The following APBB2 variants were observed in gnomAD, a reference collection of about 807,000 sequenced individuals.
The protein encoded by APBB2 is Fe65-like 1.
Under a neutral mutation model 82.5 loss-of-function variants are expected in APBB2, and 38 were observed. The observed-to-expected ratio is 0.46, with a 90% CI of 0.36 to 0.60. The LOEUF is 0.60. Ranked by LOEUF, APBB2 falls within the 20% of genes least tolerant of loss-of-function variation. The probability of loss-of-function intolerance (pLI) is 0.00; values close to 1 mark genes in which losing one functional copy is unlikely to be tolerated. For synonymous variants in APBB2, 341 were observed against 368.2 expected (o/e 0.93, Z 0.85); for missense variants, 772 against 972.3 (o/e 0.79, Z 2.74).
chr4:41,211,401 C>T (rs182471298), intron 1 of APBB2, among the ~76,000 whole-genome samples: 2 of 151,682 alleles, frequency 1.3e-5, no homozygotes, highest in Admixed American at 1.3e-4. Context: ...TCCCCTCCCC[C>T]GCCCCCGGAA....
intron 2 of APBB2, among the ~76,000 whole-genome samples, chr4:41,114,720 C>T (rs1240392338): frequency 6.6e-6 from 1 of 152,134 alleles, no homozygotes; most frequent in African/African-American, 2.4e-5. Context: ...CTCCCATTCA[C>T]AACTGCTACA....
At chr4:40,882,486 G>A (rs921390307) in intron 12 of APBB2, among the ~76,000 whole-genome samples, 1 of 152,226 alleles carries the variant, frequency 6.6e-6, no homozygotes, top group Non-Finnish European at 1.5e-5. Context: ...CTGCATTTCT[G>A]TGAAGTTGGA....
At position 41,014,254 on chromosome 4, in the gene APBB2, T is replaced by G; in HGVS notation, c.164A>C (p.His55Pro). 1 of 1,614,228 alleles carries G rather than the reference T, an allele frequency of 6.2e-7. No homozygotes were observed. The highest frequency in any genetic ancestry group is 8.5e-7 in the Non-Finnish European group (1 of 1,180,042). Reference protein sequence around the residue: ...HNELLNAEIKHTETKNSTPPK... With the variant: ...HNELLNAEIKPTETKNSTPPK... ...AGGTGTGCTGTTCTTGGTTTCTGTGTGTTTTATTTCAGCGTTCAACAGTTC... is the reference window on the plus strand; with the variant it reads ...AGGTGTGCTGTTCTTGGTTTCTGTGGGTTTTATTTCAGCGTTCAACAGTTC... The change falls in exon 6 of 18, where the codon CAC becomes CCC. Residue 55 changes from histidine to proline, a missense_variant. Coordinates refer to ENST00000508593, the MANE Select transcript of APBB2 (RefSeq NM_004307.2).
intron 7 of APBB2, among the ~76,000 whole-genome samples, chr4:40,939,046 A>AC (rs1786135892): frequency 6.6e-6 from 1 of 152,226 alleles, no homozygotes; most frequent in Middle Eastern, 3.4e-3. Context: ...CATGCCCTGC[A>AC]CCCACTCAGG....
chr4:41,138,925 A>C (rs1458901204), intron 2 of APBB2, among the ~76,000 whole-genome samples: 1 of 152,208 alleles, frequency 6.6e-6, no homozygotes, highest in Non-Finnish European at 1.5e-5. Context: ...AACCAACTGC[A>C]TTTCTATACA....
At chr4:41,001,885 AAAAAAGAAAAAG>A (rs1553903802) in intron 6 of APBB2, among the ~76,000 whole-genome samples, 1 of 152,078 alleles carries the variant, frequency 6.6e-6, no homozygotes, top group African/African-American at 2.4e-5. Context: ...CTCAAAAAAA[AAAAAAGAAAAAG>A]AAAAAGAAAA....
At chr4:41,024,940 G>A (rs1036111001) in intron 5 of APBB2, among the ~76,000 whole-genome samples, 1 of 152,226 alleles carries the variant, frequency 6.6e-6, no homozygotes, top group Non-Finnish European at 1.5e-5. Flanking sequence ...AACTCCCTTT[G>A]TTCTGCCTCT....
At chr4:41,000,069 A>ATGTGTG (rs779111046) in intron 6 of APBB2, among the ~76,000 whole-genome samples, 12,904 of 130,452 alleles carry the variant, frequency 0.099, 877 homozygotes, top group Middle Eastern at 0.15. Context: ...ATATGTGTGT[A>ATGTGTG]TGTGTGTGTG....
rs537887824 is a variant in APBB2 at position 40,896,932 on chromosome 4, C to T, written c.1255-3521G>A. On this transcript the variant is annotated intron_variant, in intron 10 of 17. Coordinates refer to ENST00000508593, the MANE Select transcript of APBB2 (RefSeq NM_004307.2). ...TTAGTGACCCTGGCTGGAGTGAGCC[C>T]TAAGACAGCAATGTTACTGTGAGAT... Among the ~76,000 whole-genome samples the T allele has an allele frequency of 2.0e-4, 30 of 152,232 alleles. No individual in the cohort carries two copies. In the South Asian group the frequency reaches 5.4e-3, roughly 27 times the overall value.
intron 4 of APBB2, among the ~76,000 whole-genome samples, chr4:41,042,420 C>T (rs1721877652): frequency 6.6e-6 from 1 of 152,164 alleles, no homozygotes; most frequent in African/African-American, 2.4e-5. Flanking sequence ...GTTAATGACC[C>T]CAATCAACAG....
At chr4:41,020,207 CCG>C (rs1323690570) in intron 5 of APBB2, among the ~76,000 whole-genome samples, 1 of 152,192 alleles carries the variant, frequency 6.6e-6, no homozygotes, top group African/African-American at 2.4e-5. Context: ...AGGGTGTAAC[CCG>C]AAAGCACTGA....
rs544871297 is a variant in APBB2 at position 40,841,701 on chromosome 4, CAG to C, written c.1530-11126_1530-11125del. Among the ~76,000 whole-genome samples the C allele has an allele frequency of 5.2e-3, 788 of 152,174 alleles. 9 individuals carry two copies. The highest frequency in any genetic ancestry group is 0.018 in the African/African-American group (753 of 41,488). On this transcript the variant is annotated intron_variant, in intron 12 of 17. Transcript: ENST00000508593. ...ATTTATTTATTTATTTATTTAGAGA[CAG>C]AGTATCCCTCTGTCACCCTGGCTGG...
chr4:41,106,444 C>G (rs147388290), intron 2 of APBB2, among the ~76,000 whole-genome samples: 2,104 of 134,062 alleles, frequency 0.016, 52 homozygotes, highest in African/African-American at 0.057. Flanking sequence ...TGACTTTTAA[C>G]TTTTTATAGA....
intron 10 of APBB2, among the ~76,000 whole-genome samples, chr4:40,905,548 C>G (rs1776478751): frequency 6.6e-6 from 1 of 152,218 alleles, no homozygotes; most frequent in African/African-American, 2.4e-5. Flanking sequence ...CTGGGCCATT[C>G]CCAAGTCAGC....
intron 1 of APBB2, among the ~76,000 whole-genome samples, chr4:41,158,888 T>C (rs766563999): frequency 2.0e-5 from 3 of 152,194 alleles, no homozygotes; most frequent in Non-Finnish European, 4.4e-5. Context: ...GAGAGGTTCC[T>C]AGCATAGCCG....
Position 40,959,968 on chromosome 4 carries a change from T to C in APBB2, c.836-14895A>G, listed in dbSNP as rs188301462. Among the ~76,000 whole-genome samples the C allele has an allele frequency of 2.6e-5, 4 of 152,310 alleles. No individual in the cohort carries two copies. The East Asian group carries it at 7.7e-4, about 29-fold the overall frequency. On this transcript the variant is annotated intron_variant, in intron 6 of 17. Transcript: ENST00000508593. ...TTGATCGAGGTTAGGAAAATGCTTATCATTTGGCTGCAGAAAAATCTTGGT... is the reference window on the plus strand; with the variant it reads ...TTGATCGAGGTTAGGAAAATGCTTACCATTTGGCTGCAGAAAAATCTTGGT...
At chr4:41,173,905 T>C (rs780545574) in intron 1 of APBB2, among the ~76,000 whole-genome samples, 2 of 152,172 alleles carry the variant, frequency 1.3e-5, no homozygotes, top group Non-Finnish European at 2.9e-5. Context: ...TATGCCACAA[T>C]ACCCAGAAGC....
At chr4:40,845,936 G>A (rs1373891059) in intron 12 of APBB2, among the ~76,000 whole-genome samples, 1 of 137,118 alleles carries the variant, frequency 7.3e-6, no homozygotes, top group Non-Finnish European at 1.5e-5. Flanking sequence ...CAGCTCCTGA[G>A]TCTGACAGTT....
intron 2 of APBB2, among the ~76,000 whole-genome samples, chr4:41,135,054 G>A (rs1393790149): frequency 1.3e-5 from 2 of 151,242 alleles, no homozygotes; most frequent in African/African-American, 4.9e-5. Flanking sequence ...TTATTTCTAG[G>A]AGAATTCATT....
Sources: allele counts gnomAD v4.1 joint callset (sites outside exome capture counted in the v4.1 genomes callset), GRCh38; gene constraint gnomAD v4.1.1; transcripts MANE v1.5; gene names NCBI Gene and HGNC (gene_info 2026-07-23, HGNC 2026-07-21).